CCDC66: variants seen among roughly 807,000 people sequenced by gnomAD.
The protein encoded by CCDC66 is coiled-coil domain containing 66.
CCDC66 carries 133 observed loss-of-function variants against 128.3 expected under a neutral mutation model. The observed-to-expected ratio is 1.04, with a 90% CI of 0.90 to 1.20. The LOEUF is 1.20. Ranked by LOEUF, CCDC66 falls within the 50% of genes most tolerant of loss-of-function variation. The probability of loss-of-function intolerance (pLI) is 0.00; values close to 1 mark genes in which losing one functional copy is unlikely to be tolerated. For missense variants in CCDC66, 1,126 were observed against 1,075.5 expected (o/e 1.05, Z -0.66); for synonymous variants, 387 against 357.0 (o/e 1.08, Z -0.95).
At chr3:56,614,431 C>T (rs1458634056) in intron 11 of CCDC66, among the ~76,000 whole-genome samples, 1 of 152,116 alleles carries the variant, frequency 6.6e-6, no homozygotes, top group Non-Finnish European at 1.5e-5. Flanking sequence ...TAGGAACATA[C>T]ATTTGCAGAA....
intron 10 of CCDC66, among the ~76,000 whole-genome samples, chr3:56,612,110 T>C (rs2074919065): frequency 6.6e-6 from 1 of 152,218 alleles, no homozygotes; most frequent in Non-Finnish European, 1.5e-5. Flanking sequence ...CAACTCCTAT[T>C]TCCTTGCTTT....
rs566320773 is a variant in CCDC66 at position 56,612,528 on chromosome 3, T to G, written c.1405-1061T>G. ...AGATGGCTTGCTCAGGTGCTGAGAATGGTGACAGTGGGTTGGGTGGGTGAG... is the reference window on the plus strand; with the variant it reads ...AGATGGCTTGCTCAGGTGCTGAGAAGGGTGACAGTGGGTTGGGTGGGTGAG... On this transcript the variant is annotated intron_variant, in intron 10 of 17. Transcript: ENST00000394672. Among the ~76,000 whole-genome samples the G allele has an allele frequency of 4.6e-5, 7 of 152,190 alleles. No homozygotes were observed. In the South Asian group the frequency reaches 1.2e-3, roughly 27 times the overall value.
At position 56,574,407 on chromosome 3, in the gene CCDC66, G is replaced by A. The variant is rs1478658637; in HGVS notation, c.936+3105G>A. ...TTTTTATGTATTTGTATGCGAATGTGGTACAAAATTGGAGAGATGTTATTG... is the reference window on the plus strand; with the variant it reads ...TTTTTATGTATTTGTATGCGAATGTAGTACAAAATTGGAGAGATGTTATTG... On this transcript the variant is annotated intron_variant, in intron 7 of 17. Coordinates refer to ENST00000394672, the MANE Select transcript of CCDC66 (RefSeq NM_001141947.3). Among the ~76,000 whole-genome samples the A allele has an allele frequency of 4.0e-5, 6 of 151,504 alleles. 1 individual carries two copies. In the East Asian group the frequency reaches 5.9e-4, roughly 15 times the overall value.
intron 3 of CCDC66, 124 bp downstream of exon 3, chr3:56,559,718 G>A: frequency 1.5e-6 from 1 of 679,896 alleles, no homozygotes; most frequent in Non-Finnish European, 2.3e-6. Flanking sequence ...ATAGTGAGGA[G>A]TTATTATTTT....
At chr3:56,621,142 G>A (rs1255059845) in intron 17 of CCDC66, 3 of 150,872 alleles carry the variant, frequency 2.0e-5, no homozygotes, top group African/African-American at 7.6e-5. Context: ...TTGGGCGACA[G>A]AGCGAGACTC....
chr3:56,576,405 A>AT (rs920466942), intron 7 of CCDC66, among the ~76,000 whole-genome samples: 95 of 147,076 alleles, frequency 6.5e-4, no homozygotes, highest in Non-Finnish European at 8.9e-4. Context: ...TGTACATGGA[A>AT]TTTTTTTTTT....
At position 56,593,162 on chromosome 3, in the gene CCDC66, A is replaced by G. The variant is rs530790681; in HGVS notation, c.1068+61A>G. ...ATAAAATCAAAGTCTTTAATCAATT[A>G]AAACTAGAAGTATTCTGAAACTCTT... On this transcript the variant is annotated intron_variant, in intron 8 of 17. Transcript: ENST00000394672. 79 of 1,325,826 alleles carry G rather than the reference A, an allele frequency of 6.0e-5. No individual in the cohort carries two copies. The African/African-American group carries it at 1.2e-3, about 20-fold the overall frequency. 82.1% of individuals were successfully genotyped at this position (1,325,826 alleles called of 1,614,324 possible). A position where few individuals can be genotyped will look rare whatever the true frequency, so the allele number is the denominator to read the frequency against.
chr3:56,582,784 A>G (rs1197564419), intron 7 of CCDC66, among the ~76,000 whole-genome samples: 1 of 150,866 alleles, frequency 6.6e-6, no homozygotes, highest in Non-Finnish European at 1.5e-5. Context: ...TGCTCAAGAT[A>G]GTCATATATG....
intron 3 of CCDC66, 146 bp downstream of exon 3, chr3:56,559,740 A>G (rs1473769178): frequency 1.2e-5 from 7 of 599,734 alleles, no homozygotes; most frequent in African/African-American, 9.7e-5. Flanking sequence ...TTGCTTTCAG[A>G]TTGGTCCTTT....
chr3:56,581,580 C>T (rs1160573563), intron 7 of CCDC66, among the ~76,000 whole-genome samples: 2 of 151,822 alleles, frequency 1.3e-5, no homozygotes, highest in Non-Finnish European at 2.9e-5. Context: ...TGGTGACGTA[C>T]AGATGGGGTT....
At chr3:56,599,895 TG>T (rs1440941652) in intron 10 of CCDC66, among the ~76,000 whole-genome samples, 1 of 152,136 alleles carries the variant, frequency 6.6e-6, no homozygotes, top group Non-Finnish European at 1.5e-5. Context: ...TGTGTTCTCA[TG>T]GTTCAACTCC....
At chr3:56,597,122 A>G (rs1487664327) in intron 10 of CCDC66, among the ~76,000 whole-genome samples, 2 of 151,790 alleles carry the variant, frequency 1.3e-5, no homozygotes, top group Non-Finnish European at 2.9e-5. Flanking sequence ...GCATATAGAT[A>G]TCCAATTTTC....
At chr3:56,561,379 G>C in intron 3 of CCDC66, 1 of 415,202 alleles carries the variant, frequency 2.4e-6, no homozygotes, top group Non-Finnish European at 4.7e-6. Flanking sequence ...TGGATTTTTG[G>C]TAGGCCTATA....
chr3:56,598,123 G>A (rs1022597349), intron 10 of CCDC66, among the ~76,000 whole-genome samples: 13 of 120,216 alleles, frequency 1.1e-4, no homozygotes, highest in African/African-American at 1.9e-4. Flanking sequence ...CAAAGGGGAC[G>A]TTTTGATTTT....
intron 4 of CCDC66, chr3:56,565,092 C>A: frequency 5.7e-6 from 2 of 352,722 alleles, no homozygotes; most frequent in Non-Finnish European, 1.2e-5. Flanking sequence ...TTTTTTGAGC[C>A]ATCCTGTGAG....
chr3:56,566,828 G>C (rs2065923423), intron 5 of CCDC66, 69 bp downstream of exon 5: 1 of 1,512,536 alleles, frequency 6.6e-7, no homozygotes, highest in East Asian at 2.3e-5. Flanking sequence ...TCCTTTACTT[G>C]CATGTGAAAT....
rs1468187088 is a variant in CCDC66, at chr3:56,617,387, A to G, written c.2119A>G (p.Lys707Glu). 1.9e-6 allele frequency: 3 copies of G among 1,613,838 alleles called. No individual in the cohort carries two copies. The highest frequency in any genetic ancestry group is 1.1e-5 in the South Asian group (1 of 91,036). ...TAAAAGGCCTGATTGGAATATAAATAAGCCACCTAAAAGGTATATTCCAGC... is the reference window on the plus strand; with the variant it reads ...TAAAAGGCCTGATTGGAATATAAATGAGCCACCTAAAAGGTATATTCCAGC... The part of the protein sequence containing the change: ...YPKRPDWNIN[K>E]PPKRYIPASE... Residue 707 changes from lysine to glutamate, a missense_variant, in exon 14 of 18, where the codon AAG (lysine) becomes GAG (glutamate). Coordinates refer to ENST00000394672, the MANE Select transcript of CCDC66 (RefSeq NM_001141947.3).
chr3:56,583,773 C>G (rs1476927884), intron 7 of CCDC66, among the ~76,000 whole-genome samples: 3 of 151,884 alleles, frequency 2.0e-5, no homozygotes, highest in African/African-American at 7.2e-5. Flanking sequence ...TCCACAAAAC[C>G]GCCATCGTCA....
chr3:56,572,393 G>A (rs574293364), intron 7 of CCDC66: 6 of 1,289,350 alleles, frequency 4.7e-6, no homozygotes, highest in African/African-American at 4.5e-5. Context: ...CAAGCTGATG[G>A]GGCATTCACA....
Sources: allele counts gnomAD v4.1 joint callset (sites outside exome capture counted in the v4.1 genomes callset), GRCh38; gene constraint gnomAD v4.1.1; transcripts MANE v1.5; gene names NCBI Gene and HGNC (gene_info 2026-07-23, HGNC 2026-07-21).